The following CTNNA3 variants were observed in gnomAD, a reference collection of about 807,000 sequenced individuals.
CTNNA3 encodes the protein catenin alpha 3.
CTNNA3 carries 76 observed loss-of-function variants against 95.7 expected under a neutral mutation model. That is an observed-to-expected ratio of 0.79 (90% CI 0.66 to 0.96). The LOEUF (loss-of-function observed/expected upper bound fraction) is 0.96. Among genes scored for constraint, CTNNA3 ranks in the 40% least tolerant of loss-of-function variants. CTNNA3 has a pLI of 0.00. For synonymous variants in CTNNA3, 431 were observed against 374.4 expected (o/e 1.15, Z -1.74); for missense variants, 1,191 against 1,089.8 (o/e 1.09, Z -1.31).
At chr10:67,072,150 TG>T (rs765012975) in intron 7 of CTNNA3, among the ~76,000 whole-genome samples, 6 of 152,082 alleles carry the variant, frequency 3.9e-5, no homozygotes, top group Non-Finnish European at 8.8e-5. Flanking sequence ...GATGGCTTTT[TG>T]CTATGTTGGT....
intron 12 of CTNNA3, among the ~76,000 whole-genome samples, chr10:66,296,074 AT>A (rs11326451): frequency 0.051 from 7,791 of 152,128 alleles, 392 homozygotes; most frequent in African/African-American, 0.12. Context: ...ACTGATTTTT[AT>A]TTTTTTACAC....
At position 66,997,607 on chromosome 10, in the gene CTNNA3, A is replaced by G. The variant is rs531829478; in HGVS notation, c.1047+182710T>C. On this transcript the variant is annotated intron_variant, in intron 7 of 17. Transcript: ENST00000433211. ...TCCTATACACTGTTTTCCTAAATTC[A>G]GGGTTCTGGATGTTCTTCCCCTCAT... Among the ~76,000 whole-genome samples the G allele has an allele frequency of 2.6e-5, 4 of 152,304 alleles. No individual in the cohort carries two copies. In the South Asian group the frequency reaches 8.3e-4, roughly 32 times the overall value.
At chr10:66,756,790 G>A (rs1839377484) in intron 9 of CTNNA3, among the ~76,000 whole-genome samples, 1 of 151,998 alleles carries the variant, frequency 6.6e-6, no homozygotes, top group Admixed American at 6.6e-5. Context: ...CTAGATAGTT[G>A]CAATACCTGA....
rs1295397875 is a variant in CTNNA3, at chr10:66,766,319, T to C, written c.1226A>G (p.Lys409Arg). ...LIEAAKNGRE[K>R]EIKEYAAIFH... is the part of the protein sequence containing the mutation. Reference sequence around the variant, plus strand: ...TATCGCAGCATATTCTTTTATTTCCTTTTCCCGGCCATTCTTAGCAGCTTC... The same window carrying C: ...TATCGCAGCATATTCTTTTATTTCCCTTTCCCGGCCATTCTTAGCAGCTTC... Residue 409 changes from lysine (K) to arginine (R), a missense_variant, in exon 9 of 18, where the codon AAG becomes AGG. Lys to Arg is a conservative substitution (Grantham distance 26). Coordinates refer to ENST00000433211, the MANE Select transcript of CTNNA3 (RefSeq NM_013266.4). The C allele has an allele frequency of 6.2e-7, 1 of 1,613,652 alleles. No homozygotes were observed. The highest frequency in any genetic ancestry group is 2.2e-5 in the East Asian group (1 of 44,870).
At chr10:66,463,878 A>G (rs886325726) in intron 11 of CTNNA3, among the ~76,000 whole-genome samples, 4 of 143,960 alleles carry the variant, frequency 2.8e-5, no homozygotes, top group Non-Finnish European at 4.4e-5. Context: ...GGGAGCAGTC[A>G]CTTTCCAATT....
intron 5 of CTNNA3, among the ~76,000 whole-genome samples, chr10:67,501,164 G>A (rs1839220177): frequency 6.6e-6 from 1 of 152,144 alleles, no homozygotes; most frequent in African/African-American, 2.4e-5. Flanking sequence ...GCCTGGTGGT[G>A]ACAAAATCTC....
At chr10:65,991,635 C>G (rs906968625) in intron 15 of CTNNA3, among the ~76,000 whole-genome samples, 7 of 151,882 alleles carry the variant, frequency 4.6e-5, no homozygotes, top group Non-Finnish European at 8.8e-5. Context: ...TTTTTCAAAT[C>G]TAAGAGTGTT....
In CTNNA3 at chr10:67,203,305, C is replaced by T. The variant is rs570226396; in HGVS notation, c.843+16302G>A. 7.4e-4 allele frequency among the ~76,000 whole-genome samples: 113 copies of T among 152,292 alleles called. 1 individual carries two copies. The highest frequency in any genetic ancestry group is 2.5e-3 in the African/African-American group (106 of 41,570). ...TTTTATAAAAGGGAGTTCCCGTGAA[C>T]ACGCTCTCTTGCCTGGCACCATGTA... On this transcript the variant is annotated intron_variant, in intron 6 of 17. Coordinates refer to ENST00000433211, the MANE Select transcript of CTNNA3 (RefSeq NM_013266.4).
chr10:67,206,997 G>A (rs1205343633), intron 6 of CTNNA3, among the ~76,000 whole-genome samples: 1 of 152,014 alleles, frequency 6.6e-6, no homozygotes, highest in Non-Finnish European at 1.5e-5. Context: ...TGGGCGTGGT[G>A]GCAGGCGCCT....
chr10:66,149,524 T>C (rs999424857), intron 13 of CTNNA3, among the ~76,000 whole-genome samples: 21 of 151,486 alleles, frequency 1.4e-4, no homozygotes, highest in Non-Finnish European at 3.0e-4. Flanking sequence ...CACTATACAA[T>C]TATATTTTTC....
intron 5 of CTNNA3, among the ~76,000 whole-genome samples, chr10:67,360,044 C>G (rs891727373): frequency 2.0e-5 from 3 of 152,052 alleles, no homozygotes; most frequent in East Asian, 3.9e-4. Flanking sequence ...AAATTGGGAG[C>G]CTATTTTTGG....
chr10:67,695,178 CTT>C (rs770438529), intron 1 of CTNNA3, among the ~76,000 whole-genome samples: 9 of 152,186 alleles, frequency 5.9e-5, no homozygotes, highest in African/African-American at 2.4e-5. Context: ...GCTTTTTCCA[CTT>C]TGTTTTAAGC....
intron 6 of CTNNA3, among the ~76,000 whole-genome samples, chr10:67,214,584 C>T (rs916530485): frequency 2.6e-5 from 4 of 151,864 alleles, no homozygotes; most frequent in Non-Finnish European, 5.9e-5. Flanking sequence ...TGCATTTGCA[C>T]CCTTAAGATA....
chr10:66,732,795 C>T (rs1348299473), intron 9 of CTNNA3, among the ~76,000 whole-genome samples: 1 of 151,780 alleles, frequency 6.6e-6, no homozygotes, highest in Admixed American at 6.6e-5. Flanking sequence ...AAAGTCATAC[C>T]TTTTCTTTTT....
chr10:66,034,791 C>T (rs1309407754), intron 15 of CTNNA3, among the ~76,000 whole-genome samples: 1 of 151,964 alleles, frequency 6.6e-6, no homozygotes, highest in Non-Finnish European at 1.5e-5. Flanking sequence ...ACAGACACCA[C>T]CCGTAAGCAA....
intron 11 of CTNNA3, among the ~76,000 whole-genome samples, chr10:66,424,616 A>C (rs1195229461): frequency 6.6e-6 from 1 of 152,060 alleles, no homozygotes; most frequent in African/African-American, 2.4e-5. Flanking sequence ...GCTGATATCT[A>C]ATTTAATTGT....
intron 5 of CTNNA3, among the ~76,000 whole-genome samples, chr10:67,457,200 G>A (rs927632173): frequency 6.6e-6 from 1 of 152,150 alleles, no homozygotes; most frequent in Non-Finnish European, 1.5e-5. Context: ...GGATGAAAAG[G>A]TATGGACAGC....
At chr10:67,180,974 C>A (rs1405022631) in intron 6 of CTNNA3, among the ~76,000 whole-genome samples, 1 of 152,098 alleles carries the variant, frequency 6.6e-6, no homozygotes, top group Non-Finnish European at 1.5e-5. Context: ...CCTGACAGCA[C>A]CATGAGGAAG....
At chr10:66,959,699 C>T (rs1849013173) in intron 7 of CTNNA3, among the ~76,000 whole-genome samples, 1 of 152,202 alleles carries the variant, frequency 6.6e-6, no homozygotes, top group African/African-American at 2.4e-5. Context: ...ACTTGTCCCT[C>T]ATTGCAATCT....
Sources: gnomAD v4.1 joint callset for allele counts (sites outside exome capture counted in the v4.1 genomes callset) on GRCh38, gnomAD v4.1.1 for gene constraint, MANE v1.5 for transcripts, NCBI Gene and HGNC (gene_info 2026-07-23, HGNC 2026-07-21) for gene names.